The following RAD52 variants were observed in gnomAD, a reference collection of about 807,000 sequenced individuals.
RAD52 encodes RAD52 DNA repair protein.
In RAD52, 47 loss-of-function variants were observed where a neutral mutation model predicts 55.5. That is an observed-to-expected ratio of 0.85 (90% CI 0.67 to 1.08). The LOEUF (loss-of-function observed/expected upper bound fraction) is 1.08. Among genes scored for constraint, RAD52 ranks in the 50% least tolerant of loss-of-function variants. RAD52 has a pLI of 0.00. For missense variants in RAD52, 468 were observed against 522.8 expected, an observed-to-expected ratio of 0.90 and a Z score of 1.02; for synonymous variants, 184 against 198.9, an observed-to-expected ratio of 0.92 and a Z score of 0.63.
At chr12:916,013 G>A (rs1956351325) in intron 9 of RAD52, among the ~76,000 whole-genome samples, 2 of 152,092 alleles carry the variant, frequency 1.3e-5, no homozygotes. Context: ...CACCGTGCCC[G>A]GCCAAGGCTT....
At chr12:941,759 C>T (rs1957933059) in intron 1 of RAD52, among the ~76,000 whole-genome samples, 1 of 152,104 alleles carries the variant, frequency 6.6e-6, no homozygotes, top group Admixed American at 6.6e-5. Flanking sequence ...GCCTCAGCCT[C>T]CCAAGTAGCT....
At position 914,545 on chromosome 12, in the gene RAD52, G is replaced by A; in HGVS notation, c.866-13C>T. The A allele has an allele frequency of 1.2e-6, 2 of 1,612,746 alleles. No individual in the cohort carries two copies. Among genetic ancestry groups the A allele is most frequent in the Non-Finnish European group, 1.7e-6 (2 of 1,179,804 alleles). On this transcript the variant is annotated splice_polypyrimidine_tract_variant and intron_variant, in intron 9 of 11. Transcript: ENST00000358495. ...GCCGGAGGCGCTGCTACGGTTCACA[G>A]AGGAGAGAAAGGACAAGTCATCATC...
At chr12:980,341 T>A (rs74749226) in intron 1 of RAD52, among the ~76,000 whole-genome samples, 1 of 150,030 alleles carries the variant, frequency 6.7e-6, no homozygotes, top group East Asian at 2.0e-4. Flanking sequence ...TCCCCCAGGC[T>A]GGAGTACAAT....
chr12:917,761 C>A (rs1314018979), intron 7 of RAD52, among the ~76,000 whole-genome samples: 2 of 80,352 alleles, frequency 2.5e-5, no homozygotes, highest in Non-Finnish European at 4.9e-5. Context: ...CCTGTCTCTA[C>A]TAAAAATACA....
At chr12:957,528 G>A (rs1416839007) in intron 1 of RAD52, among the ~76,000 whole-genome samples, 2 of 148,674 alleles carry the variant, frequency 1.3e-5, no homozygotes, top group Admixed American at 6.8e-5. Context: ...GCTCATGCCT[G>A]TAATCTCAGC....
At chr12:923,636 C>T (rs75280797) in intron 7 of RAD52, among the ~76,000 whole-genome samples, 3 of 150,946 alleles carry the variant, frequency 2.0e-5, no homozygotes, top group African/African-American at 7.3e-5. Context: ...GGGGGAAATG[C>T]GGAGTTCTTG....
intron 1 of RAD52, among the ~76,000 whole-genome samples, chr12:944,436 G>T (rs752067761): frequency 6.6e-6 from 1 of 151,702 alleles, no homozygotes; most frequent in Non-Finnish European, 1.5e-5. Context: ...TCACTTGAGC[G>T]GGGGCGAGGA....
At chr12:934,088 T>G (rs1592389401) in intron 1 of RAD52, among the ~76,000 whole-genome samples, 1 of 138,976 alleles carries the variant, frequency 7.2e-6, no homozygotes. Flanking sequence ...GGTGACAGAG[T>G]GTCTGACTCT....
intron 1 of RAD52, among the ~76,000 whole-genome samples, chr12:980,363 G>A (rs1289826716): frequency 3.4e-4 from 50 of 147,840 alleles, no homozygotes; most frequent in East Asian, 1.6e-3. Flanking sequence ...GTGCGATCTT[G>A]GCCCACTGCA....
intron 1 of RAD52, among the ~76,000 whole-genome samples, chr12:962,482 G>A: frequency 6.6e-6 from 1 of 151,296 alleles, no homozygotes; most frequent in East Asian, 1.9e-4. Context: ...TGGGACTACA[G>A]GTGCCCGCCA....
upstream of RAD52, among the ~76,000 whole-genome samples, chr12:949,886 G>T (rs1234264472): frequency 6.6e-6 from 1 of 152,136 alleles, no homozygotes; most frequent in East Asian, 1.9e-4. Context: ...TGAGCCGCTC[G>T]CCCTGCCGCT....
chr12:954,037 T>C (rs1958571565), upstream of RAD52, among the ~76,000 whole-genome samples: 1 of 152,202 alleles, frequency 6.6e-6, no homozygotes, highest in Non-Finnish European at 1.5e-5. Context: ...CTTTCGGCAG[T>C]GTAATGAGTG....
chr12:980,318 A>G lies in RAD52; in HGVS notation c.-19+9491T>C, dbSNP rs368374527. 2.9e-4 allele frequency among the ~76,000 whole-genome samples: 43 copies of G among 150,390 alleles called. No individual in the cohort carries two copies. The East Asian group carries it at 3.9e-3, about 14-fold the overall frequency. On this transcript the variant is annotated intron_variant, in intron 1 of 11. Coordinates refer to the RAD52 transcript ENST00000430095. ...TCCTTTTTTTTTTTTTTTGAGACGA[A>G]GTCTCACTCTTGTCCCCCAGGCTGG...
upstream of RAD52, among the ~76,000 whole-genome samples, chr12:950,795 A>G (rs536274701): frequency 2.0e-5 from 3 of 152,186 alleles, no homozygotes; most frequent in East Asian, 5.8e-4. Flanking sequence ...ATTATTAACT[A>G]TAGTCACTAT....
chr12:950,078 A>G (rs1381481035), upstream of RAD52, among the ~76,000 whole-genome samples: 1 of 152,154 alleles, frequency 6.6e-6, no homozygotes, highest in Non-Finnish European at 1.5e-5. Flanking sequence ...CCACCCATGC[A>G]CAATTGGGAA....
At chr12:956,621 A>G (rs1958609836) in intron 1 of RAD52, among the ~76,000 whole-genome samples, 1 of 152,292 alleles carries the variant, frequency 6.6e-6, no homozygotes, top group South Asian at 2.1e-4. Context: ...ATATTGGCTC[A>G]CTGCAACCTC....
chr12:965,256 C>T (rs369131890), intron 1 of RAD52, among the ~76,000 whole-genome samples: 6 of 152,152 alleles, frequency 3.9e-5, no homozygotes, highest in East Asian at 1.9e-4. Flanking sequence ...GGATTACAGG[C>T]GTGAGCCACT....
intron 1 of RAD52, chr12:989,742 A>T (rs1401604439): frequency 3.3e-5 from 5 of 152,232 alleles, no homozygotes; most frequent in Non-Finnish European, 7.3e-5. Flanking sequence ...GCCTGAGGCC[A>T]CACAAGTAGA....
chr12:976,881 T>C (rs1310731120), intron 1 of RAD52: 2 of 152,238 alleles, frequency 1.3e-5, no homozygotes, highest in South Asian at 2.1e-4. Context: ...CATATCTAAC[T>C]GCATTATCTG....
Sources: gnomAD v4.1 joint callset for allele counts (sites outside exome capture counted in the v4.1 genomes callset) on GRCh38, gnomAD v4.1.1 for gene constraint, MANE v1.5 for transcripts, NCBI Gene and HGNC (gene_info 2026-07-23, HGNC 2026-07-21) for gene names.